SLC24A2: variants seen among roughly 807,000 people sequenced by gnomAD.
SLC24A2 encodes the protein sodium/potassium/calcium exchanger 2.
In SLC24A2, 36 loss-of-function variants were observed where a neutral mutation model predicts 62.0. That is an observed-to-expected ratio of 0.58 (90% CI 0.44 to 0.77). The LOEUF is 0.77. Ranked by LOEUF, SLC24A2 falls within the 30% of genes least tolerant of loss-of-function variation. SLC24A2 has a pLI of 0.00. For synonymous variants in SLC24A2, 358 were observed against 294.0 expected (o/e 1.22, Z -2.23); for missense variants, 846 against 817.9 (o/e 1.03, Z -0.42).
intron 2 of SLC24A2, among the ~76,000 whole-genome samples, chr9:19,759,824 C>G (rs145007681): frequency 3.9e-5 from 6 of 152,246 alleles, no homozygotes; most frequent in Admixed American, 3.9e-4. Context: ...ATAAATAGGG[C>G]TCCTGAGAAA....
At chr9:20,218,449 T>G in the SLC24A2 span, among the ~76,000 whole-genome samples, 1 of 152,124 alleles carries the variant, frequency 6.6e-6, no homozygotes, top group Non-Finnish European at 1.5e-5. Context: ...CACACGTGTG[T>G]CTGCTTGTGT....
chr9:19,986,913 T>C, the SLC24A2 span, among the ~76,000 whole-genome samples: 10 of 152,126 alleles, frequency 6.6e-5, no homozygotes, highest in Non-Finnish European at 1.2e-4. Flanking sequence ...AAATGTTCAG[T>C]TTAAAATGGT....
At chr9:19,739,657 G>A (rs756570332) in intron 2 of SLC24A2, among the ~76,000 whole-genome samples, 43 of 152,266 alleles carry the variant, frequency 2.8e-4, no homozygotes, top group Admixed American at 4.6e-4. Flanking sequence ...CATAAACAAA[G>A]GTCAATTGTA....
the SLC24A2 span, among the ~76,000 whole-genome samples, chr9:20,241,626 C>T: frequency 6.6e-6 from 1 of 152,122 alleles, no homozygotes; most frequent in African/African-American, 2.4e-5. Context: ...TGATCTCTGT[C>T]CTCAAGAAGC....
intron 2 of SLC24A2, among the ~76,000 whole-genome samples, chr9:19,636,196 T>C (rs1181265856): frequency 2.0e-5 from 3 of 152,298 alleles, no homozygotes; most frequent in South Asian, 2.1e-4. Context: ...GGCTTATTGG[T>C]AGACAATACT....
At chr9:19,904,074 C>T in the SLC24A2 span, among the ~76,000 whole-genome samples, 3 of 152,234 alleles carry the variant, frequency 2.0e-5, no homozygotes, top group East Asian at 3.9e-4. Context: ...CTAAACAGCT[C>T]GGACATGTAG....
the SLC24A2 span, among the ~76,000 whole-genome samples, chr9:20,304,161 T>C: frequency 6.6e-6 from 1 of 152,222 alleles, no homozygotes. Context: ...TATTGCTGCC[T>C]CACACAGGAT....
the SLC24A2 span, among the ~76,000 whole-genome samples, chr9:19,934,810 G>C: frequency 6.6e-6 from 1 of 152,250 alleles, no homozygotes; most frequent in East Asian, 1.9e-4. The surrounding 1 kb of genome is among the most constrained non-coding windows in gnomAD (Gnocchi z 4.1). Context: ...GTGGCGGGGA[G>C]GGCAAGCGTG....
At chr9:19,933,923 C>T in the SLC24A2 span, among the ~76,000 whole-genome samples, 1 of 152,054 alleles carries the variant, frequency 6.6e-6, no homozygotes, top group South Asian at 2.1e-4. Context: ...CAGGCAAATC[C>T]ATAGAGGCAG....
At chr9:20,181,299 A>C in the SLC24A2 span, among the ~76,000 whole-genome samples, 1 of 152,164 alleles carries the variant, frequency 6.6e-6, no homozygotes, top group African/African-American at 2.4e-5. Context: ...TATAGGACTA[A>C]ATGTGATGAT....
chr9:19,812,236 C>T, the SLC24A2 span, among the ~76,000 whole-genome samples: 1 of 152,026 alleles, frequency 6.6e-6, no homozygotes, highest in Non-Finnish European at 1.5e-5. Flanking sequence ...TTTGGAAATT[C>T]TTCAATCCTT....
chr9:19,731,537 G>GTA (rs1017788905), intron 2 of SLC24A2, among the ~76,000 whole-genome samples: 5 of 125,080 alleles, frequency 4.0e-5, no homozygotes, highest in African/African-American at 1.2e-4. Context: ...GTGTGTGTGT[G>GTA]TGTGTGCATG....
intron 8 of SLC24A2, among the ~76,000 whole-genome samples, chr9:19,544,793 C>G (rs1834466127): frequency 6.6e-6 from 1 of 152,204 alleles, no homozygotes; most frequent in South Asian, 2.1e-4. Context: ...GCAGAGAGAT[C>G]TGCTGTTGGT....
chr9:20,140,170 A>T, the SLC24A2 span, among the ~76,000 whole-genome samples: 62 of 152,340 alleles, frequency 4.1e-4, no homozygotes, highest in Middle Eastern at 0.02. Flanking sequence ...TTCGTCAGCC[A>T]TTGGACAGGC....
intron 2 of SLC24A2, among the ~76,000 whole-genome samples, chr9:19,708,292 G>C (rs1188732929): frequency 1.3e-5 from 2 of 152,066 alleles, no homozygotes; most frequent in East Asian, 3.9e-4. Context: ...CATGCTCATG[G>C]GTAGGAAGAA....
the SLC24A2 span, among the ~76,000 whole-genome samples, chr9:20,035,447 T>C: frequency 6.6e-6 from 1 of 151,922 alleles, no homozygotes; most frequent in Non-Finnish European, 1.5e-5. Flanking sequence ...CAATGAAAAA[T>C]GAAGCTGCAG....
chr9:19,947,683 C>T, the SLC24A2 span, among the ~76,000 whole-genome samples: 7 of 148,482 alleles, frequency 4.7e-5, no homozygotes, highest in African/African-American at 1.2e-4. Flanking sequence ...CTCAGCTACT[C>T]GGGAGGCTGA....
chr9:19,654,876 GACAA>G (rs1040223694), intron 2 of SLC24A2, among the ~76,000 whole-genome samples: 4 of 152,116 alleles, frequency 2.6e-5, no homozygotes, highest in African/African-American at 9.7e-5. Context: ...TCACTGTGGA[GACAA>G]ACAAAAGGGA....
chr9:19,885,001 G>A, the SLC24A2 span, among the ~76,000 whole-genome samples: 50 of 152,180 alleles, frequency 3.3e-4, no homozygotes, highest in Non-Finnish European at 7.3e-4. Flanking sequence ...GGTTGGATGG[G>A]ACTGGCCATA....
Sources: allele counts gnomAD v4.1 joint callset (sites outside exome capture counted in the v4.1 genomes callset), GRCh38; gene constraint gnomAD v4.1.1; non-coding constraint Gnocchi (gnomAD v3.1); transcripts MANE v1.5; gene names NCBI Gene and HGNC (gene_info 2026-07-23, HGNC 2026-07-21).